The following LZTFL1 variants were observed in gnomAD, a reference collection of about 807,000 sequenced individuals.
LZTFL1 encodes the protein leucine zipper transcription factor like 1, also known as leucine zipper transcription factor-like protein 1.
LZTFL1 carries 25 observed loss-of-function variants against 45.9 expected under a neutral mutation model. The observed-to-expected ratio is 0.54, with a 90% CI of 0.40 to 0.76. The LOEUF is 0.76. Ranked by LOEUF, LZTFL1 falls within the 30% of genes least tolerant of loss-of-function variation. The pLI is 0.00. For synonymous variants in LZTFL1, 93 were observed against 117.4 expected (o/e 0.79, Z 1.35); for missense variants, 277 against 331.1 (o/e 0.84, Z 1.27).
intron 2 of LZTFL1, among the ~76,000 whole-genome samples, 194 bp downstream of exon 2, chr3:45,837,733 T>C (rs993075021): frequency 9.2e-5 from 14 of 152,232 alleles, no homozygotes; most frequent in East Asian, 1.9e-4. Flanking sequence ...TTTCTGACAA[T>C]AGATTCATTG....
intron 2 of LZTFL1, among the ~76,000 whole-genome samples, chr3:45,912,107 G>A (rs1448757968): frequency 6.6e-6 from 1 of 152,222 alleles, no homozygotes; most frequent in East Asian, 1.9e-4. Context: ...CTCCCAGGGT[G>A]CCGTCATATA....
intron 2 of LZTFL1, among the ~76,000 whole-genome samples, chr3:45,870,970 A>G (rs556411650): frequency 1.6e-4 from 24 of 152,336 alleles, no homozygotes; most frequent in African/African-American, 5.5e-4. Context: ...CATCTATTAT[A>G]CAAGTTGCTT....
Position 45,901,858 on chromosome 3 carries a change from CTA to C in LZTFL1, c.-215+11260_-215+11261del. On this transcript the variant is annotated intron_variant, in intron 2 of 4. Coordinates refer to the LZTFL1 transcript ENST00000472635. This position sits in a 1 kb window ranked among gnomAD's most constrained non-coding sequence, Gnocchi z 4.3. ...AGAGAGGGAAGCTTGAAGCTGTCGT[CTA>C]TGTTGCTGGAGACAACCTCAGGAGC... 1 of 1,610,168 alleles carries C rather than the reference CTA, an allele frequency of 6.2e-7. No individual in the cohort carries two copies.
chr3:45,896,411 A>G (rs1330321594), intron 2 of LZTFL1, among the ~76,000 whole-genome samples: 1 of 152,220 alleles, frequency 6.6e-6, no homozygotes. Flanking sequence ...TGACTCCCAT[A>G]TTCCATGGAA....
At position 45,823,364 on chromosome 3, in the gene LZTFL1, G is replaced by A. The variant is rs1700584831; in HGVS notation, c.*2950C>T. On this transcript the variant is annotated 3_prime_UTR_variant, in exon 10 of 10. Coordinates refer to ENST00000296135, the MANE Select transcript of LZTFL1 (RefSeq NM_020347.4). ...TTTTAATCTGTAAAAGTTAAAGGAT[G>A]TATTATAGGCAAAAAAGAGAGGAAG... 2 of 152,182 alleles carry A rather than the reference G, an allele frequency of 1.3e-5. No homozygotes were observed. The highest frequency in any genetic ancestry group is 2.9e-5 in the Non-Finnish European group (2 of 68,036). 9.4% of individuals were successfully genotyped at this position (152,182 alleles called of 1,614,324 possible).
chr3:45,838,772 T>G (rs1250374001), intron 1 of LZTFL1, among the ~76,000 whole-genome samples: 2 of 152,338 alleles, frequency 1.3e-5, no homozygotes, highest in East Asian at 3.9e-4. Context: ...GATTTGTAAT[T>G]AAGCTGCTGA....
Position 45,874,884 on chromosome 3 carries a change from A to G in LZTFL1, c.-214-15868T>C, listed in dbSNP as rs548687033. 3.3e-5 allele frequency among the ~76,000 whole-genome samples: 5 copies of G among 152,298 alleles called. No homozygotes were observed. In the South Asian group the frequency reaches 1.0e-3, roughly 32 times the overall value. Reference sequence around the variant, plus strand: ...CAAACCCAGACTAGCCAGCTGGTGGATGGGAGGCACGTGGACCAGTGGTAA... The same window carrying G: ...CAAACCCAGACTAGCCAGCTGGTGGGTGGGAGGCACGTGGACCAGTGGTAA... On this transcript the variant is annotated intron_variant, in intron 2 of 4. Transcript: ENST00000472635.
chr3:45,890,303 AC>A (rs1293232257), intron 2 of LZTFL1, among the ~76,000 whole-genome samples: 4 of 75,040 alleles, frequency 5.3e-5, no homozygotes, highest in Non-Finnish European at 6.3e-5. Flanking sequence ...TATATATATA[AC>A]ATATATATAT....
In LZTFL1 at chr3:45,856,244, C is replaced by T. The variant is rs190563772; in HGVS notation, c.-137-1170G>A. Among the ~76,000 whole-genome samples, 7 of 152,194 alleles carry T rather than the reference C, an allele frequency of 4.6e-5. No individual in the cohort carries two copies. In the East Asian group the frequency reaches 1.3e-3, roughly 29 times the overall value. On this transcript the variant is annotated intron_variant, in intron 3 of 4. Transcript: ENST00000472635. ...AGAAATAAGACTGCACATATACAAC[C>T]ATCTGATCTTTAACAAACCTGATAA...
chr3:45,906,562 C>A (rs767733011), intron 2 of LZTFL1, among the ~76,000 whole-genome samples: 37 of 152,214 alleles, frequency 2.4e-4, no homozygotes, highest in Non-Finnish European at 4.4e-4. Flanking sequence ...CTGACCATGT[C>A]ATGCAAATGC....
At chr3:45,892,534 G>A (rs577838992) in intron 2 of LZTFL1, among the ~76,000 whole-genome samples, 2 of 152,208 alleles carry the variant, frequency 1.3e-5, no homozygotes, top group South Asian at 2.1e-4. Context: ...ACAAAAAAGG[G>A]AATAACAGAC....
intron 2 of LZTFL1, among the ~76,000 whole-genome samples, chr3:45,910,353 G>A (rs1306951551): frequency 1.3e-5 from 2 of 152,192 alleles, no homozygotes; most frequent in Non-Finnish European, 2.9e-5. Flanking sequence ...TGAAAGAAAG[G>A]AAGGCATCAA....
chr3:45,884,721 T>C (rs901307169), intron 2 of LZTFL1, among the ~76,000 whole-genome samples: 5 of 152,142 alleles, frequency 3.3e-5, no homozygotes, highest in Admixed American at 6.5e-5. Context: ...TCCTCACCCA[T>C]GGCAATTGCA....
Position 45,901,519 on chromosome 3 carries a change from C to T in LZTFL1, c.-215+11601G>A. On this transcript the variant is annotated intron_variant, in intron 2 of 4. Coordinates refer to the LZTFL1 transcript ENST00000472635. This position sits in a 1 kb window ranked among gnomAD's most constrained non-coding sequence, Gnocchi z 4.3. The stretch of plus-strand genomic sequence containing the variant: ...ATCATCATTCACACCCTGATACAAG[C>T]CAAGAAGTCTTCCAAGCACAAAGCC... 6.2e-7 allele frequency: 1 copy of T among 1,614,184 alleles called. No homozygotes were observed. Among genetic ancestry groups the T allele is most frequent in the East Asian group, 2.2e-5 (1 of 44,892 alleles).
chr3:45,897,583 A>G (rs1702397907), intron 2 of LZTFL1: 1 of 1,535,594 alleles, frequency 6.5e-7, no homozygotes, highest in African/African-American at 1.4e-5. Context: ...CCCGCTCCAG[A>G]TCACCTTCCC....
chr3:45,841,832 C>A (rs547743259), intron 1 of LZTFL1, 157 bp downstream of exon 1: 6 of 971,008 alleles, frequency 6.2e-6, no homozygotes, highest in Non-Finnish European at 9.2e-6. Flanking sequence ...TTAACCGAAT[C>A]TCTCGCGCCC....
chr3:45,897,730 C>T (rs1333954558), intron 2 of LZTFL1: 2 of 728,044 alleles, frequency 2.7e-6, no homozygotes, highest in South Asian at 1.9e-5. Context: ...GTCCTTCTGC[C>T]AAGCATGCCC....
chr3:45,897,504 G>C, intron 2 of LZTFL1: 2 of 1,143,622 alleles, frequency 1.7e-6, no homozygotes, highest in Non-Finnish European at 2.5e-6. Context: ...AGTGGAGAAA[G>C]CTGGGTCACC....
chr3:45,908,175 G>T (rs1702718007), intron 2 of LZTFL1, among the ~76,000 whole-genome samples: 2 of 152,130 alleles, frequency 1.3e-5, no homozygotes, highest in African/African-American at 2.4e-5. Context: ...TTGGTGCAAG[G>T]GATGCTGTGC....
Sources: allele counts gnomAD v4.1 joint callset (sites outside exome capture counted in the v4.1 genomes callset), GRCh38; gene constraint gnomAD v4.1.1; non-coding constraint Gnocchi (gnomAD v3.1); transcripts MANE v1.5; gene names NCBI Gene and HGNC (gene_info 2026-07-23, HGNC 2026-07-21).